The following NAALADL2 variants were observed in gnomAD, a reference collection of about 807,000 sequenced individuals.
The protein encoded by NAALADL2 is inactive N-acetylated-alpha-linked acidic dipeptidase-like protein 2.
A neutral mutation model predicts 87.2 loss-of-function variants in NAALADL2; 76 were observed. The ratio of observed to expected loss-of-function variants is 0.87; its 90% CI spans 0.72 to 1.05. The LOEUF (loss-of-function observed/expected upper bound fraction) is 1.05, where lower values mean the gene tolerates loss of function less well. Ranked by LOEUF, NAALADL2 falls within the 50% of genes least tolerant of loss-of-function variation. The pLI, the probability that NAALADL2 is intolerant of heterozygous loss-of-function variation, is 0.00. For missense variants in NAALADL2, 1,089 were observed against 945.8 expected (o/e 1.15, Z -1.99); for synonymous variants, 354 against 331.0 (o/e 1.07, Z -0.75).
rs1712146671 is a variant in NAALADL2, at chr3:174,551,705, T to C, written c.-115+1068T>C. On this transcript the variant is annotated intron_variant, in intron 2 of 3. Transcript: ENST00000434257. ...TATCCTAATAAGGTAGTTTGCCACT[T>C]AAGAGTTTTAATGTGTTTTATGAAA... Among the ~76,000 whole-genome samples, 3 of 152,368 alleles carry C rather than the reference T, an allele frequency of 2.0e-5. 1 individual carries two copies. The South Asian group carries it at 6.2e-4, about 32-fold the overall frequency.
intron 4 of NAALADL2, among the ~76,000 whole-genome samples, chr3:175,288,564 C>A (rs1227367019): frequency 6.6e-6 from 1 of 152,154 alleles, no homozygotes; most frequent in South Asian, 2.1e-4. Context: ...ATCTAACCAT[C>A]CTTTCATCCA....
chr3:175,108,276 G>C (rs901140792), intron 2 of NAALADL2, among the ~76,000 whole-genome samples: 1 of 151,910 alleles, frequency 6.6e-6, no homozygotes, highest in Non-Finnish European at 1.5e-5. Flanking sequence ...TCTCAGAAGG[G>C]TATGCAGCTT....
chr3:175,586,449 ACTT>A (rs1720551663), intron 10 of NAALADL2, among the ~76,000 whole-genome samples: 3 of 152,154 alleles, frequency 2.0e-5, no homozygotes, highest in African/African-American at 7.2e-5. Flanking sequence ...TGTTCCTGTG[ACTT>A]TAAATGGATG....
intron 1 of NAALADL2, among the ~76,000 whole-genome samples, chr3:174,933,894 T>A (rs916455682): frequency 1.3e-5 from 2 of 152,164 alleles, no homozygotes; most frequent in African/African-American, 4.8e-5. Flanking sequence ...TTTAAAATGT[T>A]TTATAACCTT....
At chr3:175,624,534 A>T (rs1021054502) in intron 10 of NAALADL2, among the ~76,000 whole-genome samples, 7 of 152,028 alleles carry the variant, frequency 4.6e-5, no homozygotes, top group Admixed American at 1.3e-4. Context: ...TGCTAAGTGA[A>T]CCTTTTATTA....
intron 2 of NAALADL2, among the ~76,000 whole-genome samples, chr3:175,190,554 C>T (rs1303296303): frequency 6.6e-6 from 1 of 151,954 alleles, no homozygotes; most frequent in African/African-American, 2.4e-5. Context: ...TAAATGTTGG[C>T]AAGGGTGTGA....
chr3:175,278,190 T>G (rs1753849648), intron 4 of NAALADL2, among the ~76,000 whole-genome samples: 1 of 152,176 alleles, frequency 6.6e-6, no homozygotes, highest in Non-Finnish European at 1.5e-5. Context: ...AATTCCCTAC[T>G]ACATGATAAA....
chr3:174,991,932 A>T (rs1260647510), intron 1 of NAALADL2, among the ~76,000 whole-genome samples: 1 of 152,048 alleles, frequency 6.6e-6, no homozygotes, highest in Non-Finnish European at 1.5e-5. Flanking sequence ...GGAGATGTGG[A>T]TCAGTCAAAA....
At chr3:175,170,505 C>G (rs1734655871) in intron 2 of NAALADL2, among the ~76,000 whole-genome samples, 1 of 145,894 alleles carries the variant, frequency 6.9e-6, no homozygotes, top group Admixed American at 6.9e-5. Flanking sequence ...TATATATATA[C>G]AAACACATAT....
chr3:175,124,909 TTAGAG>T (rs1187179955), intron 2 of NAALADL2, among the ~76,000 whole-genome samples: 2 of 151,910 alleles, frequency 1.3e-5, no homozygotes, highest in Non-Finnish European at 2.9e-5. Context: ...AGACAATATA[TTAGAG>T]TAGAGACATG....
intron 1 of NAALADL2, among the ~76,000 whole-genome samples, chr3:174,984,285 T>A (rs914172522): frequency 3.9e-5 from 6 of 152,202 alleles, no homozygotes; most frequent in South Asian, 2.1e-4. Context: ...ATTGTAGCAC[T>A]TTTTTTGCTC....
intron 3 of NAALADL2, among the ~76,000 whole-genome samples, chr3:174,776,125 G>C (rs1399400032): frequency 1.3e-5 from 2 of 152,062 alleles, no homozygotes; most frequent in East Asian, 1.9e-4. Flanking sequence ...AAATGTTGTT[G>C]GTTGACAAGC....
intron 1 of NAALADL2, among the ~76,000 whole-genome samples, chr3:174,962,153 A>G (rs1177868567): frequency 1.3e-5 from 2 of 151,710 alleles, no homozygotes; most frequent in Non-Finnish European, 2.9e-5. Flanking sequence ...TCTCTCGCCA[A>G]CAGCCAGGTG....
At chr3:175,284,284 C>A (rs1421269885) in intron 4 of NAALADL2, among the ~76,000 whole-genome samples, 1 of 148,588 alleles carries the variant, frequency 6.7e-6, no homozygotes, top group East Asian at 2.0e-4. Context: ...GGCTGCCTTT[C>A]TTGGTCCTCC....
At chr3:174,642,614 T>A (rs2108734626) in intron 2 of NAALADL2, among the ~76,000 whole-genome samples, 1 of 151,700 alleles carries the variant, frequency 6.6e-6, no homozygotes, top group East Asian at 1.9e-4. Flanking sequence ...GCTCCTTGTG[T>A]TTCCTCTTTC....
chr3:175,579,374 G>T (rs965536447), intron 10 of NAALADL2, among the ~76,000 whole-genome samples: 7 of 152,100 alleles, frequency 4.6e-5, no homozygotes, highest in Non-Finnish European at 8.8e-5. Context: ...ATGACATTTT[G>T]TAATATCTAT....
At chr3:175,425,353 C>G (rs115951777) in intron 5 of NAALADL2, among the ~76,000 whole-genome samples, 1,816 of 152,230 alleles carry the variant, frequency 0.012, 34 homozygotes, top group African/African-American at 0.041. Context: ...ACCTTATGCC[C>G]TTTCTACTGA....
intron 13 of NAALADL2, among the ~76,000 whole-genome samples, chr3:175,756,472 C>T (rs967413648): frequency 6.6e-6 from 1 of 152,122 alleles, no homozygotes; most frequent in Admixed American, 6.5e-5. Flanking sequence ...TATATGTACT[C>T]TATAGAATAC....
intron 2 of NAALADL2, among the ~76,000 whole-genome samples, chr3:174,665,334 C>T (rs1240139088): frequency 1.3e-5 from 2 of 152,074 alleles, no homozygotes; most frequent in Admixed American, 6.6e-5. Flanking sequence ...GGGTTCTGGG[C>T]CTGGCTCTGT....
Sources: allele counts gnomAD v4.1 joint callset (sites outside exome capture counted in the v4.1 genomes callset), GRCh38; gene constraint gnomAD v4.1.1; transcripts MANE v1.5; gene names NCBI Gene and HGNC (gene_info 2026-07-23, HGNC 2026-07-21).